The following KCNQ3 variants were observed in gnomAD, a reference collection of about 807,000 sequenced individuals.
KCNQ3 encodes potassium voltage-gated channel subfamily Q member 3.
A neutral mutation model predicts 92.5 loss-of-function variants in KCNQ3; 30 were observed. That is an observed-to-expected ratio of 0.32 (90% CI 0.24 to 0.44). The LOEUF (loss-of-function observed/expected upper bound fraction) is 0.44, where lower values mean the gene tolerates loss of function less well. KCNQ3 is among the 20% of genes least tolerant of loss of function. The probability of loss-of-function intolerance (pLI) is 1.00; values close to 1 mark genes in which losing one functional copy is unlikely to be tolerated. For missense variants in KCNQ3, 913 were observed against 1,140.3 expected (o/e 0.80, Z 2.87); for synonymous variants, 450 against 468.8 (o/e 0.96, Z 0.52).
Position 132,442,930 on chromosome 8 carries a change from C to T in KCNQ3, c.386+37217G>A, listed in dbSNP as rs1466701350. Among the ~76,000 whole-genome samples the T allele has an allele frequency of 5.3e-5, 8 of 152,200 alleles. 1 individual carries two copies. The South Asian group carries it at 1.7e-3, about 32-fold the overall frequency. On this transcript the variant is annotated intron_variant, in intron 1 of 14. Transcript: ENST00000388996. ...CCAGCCCCTTCTCCCTATGCAACACCCTCTCCCCGAATCTGTGCTCAGACA... is the reference window on the plus strand; with the variant it reads ...CCAGCCCCTTCTCCCTATGCAACACTCTCTCCCCGAATCTGTGCTCAGACA...
At chr8:132,442,058 T>TATGC (rs1821552151) in intron 1 of KCNQ3, among the ~76,000 whole-genome samples, 1 of 152,156 alleles carries the variant, frequency 6.6e-6, no homozygotes, top group African/African-American at 2.4e-5. Flanking sequence ...GCGAACAGCA[T>TATGC]ACACTGCGGT....
chr8:132,480,505 C>G lies in KCNQ3; in HGVS notation c.28G>C (p.Gly10Arg). Reference sequence around the variant, plus strand: ...CCGTCGCCGCCGCCGCCAGCCGCCCCCGCCGCCCTGCGCGCCTTGAGCCCC... The same window carrying G: ...CCGTCGCCGCCGCCGCCAGCCGCCCGCGCCGCCCTGCGCGCCTTGAGCCCC... MGLKARRAA[G>R]AAGGGGDGGG... The change falls in exon 1 of 15, where the codon GGG (glycine) becomes CGG (arginine). Residue 10 changes from glycine to arginine, a missense_variant. Physicochemically the swap from Gly to Arg is moderately radical, Grantham distance 125 (BLOSUM62 -2). Transcript: ENST00000388996. 1 of 1,142,582 alleles carries G rather than the reference C, an allele frequency of 8.8e-7. No individual in the cohort carries two copies. Among genetic ancestry groups the G allele is most frequent in the African/African-American group, 1.7e-5 (1 of 60,522 alleles). The allele number at this position is 1,142,582 out of a possible 1,614,324, so 70.8% of individuals were successfully genotyped here.
intron 1 of KCNQ3, among the ~76,000 whole-genome samples, chr8:132,268,579 A>G (rs1043254234): frequency 2.0e-5 from 3 of 152,154 alleles, no homozygotes; most frequent in Admixed American, 6.6e-5. Flanking sequence ...TTCTAGTGCT[A>G]ATTAGTAGTA....
chr8:132,195,387 A>G (rs976031889), intron 1 of KCNQ3, among the ~76,000 whole-genome samples: 4 of 152,246 alleles, frequency 2.6e-5, no homozygotes, highest in African/African-American at 9.6e-5. Context: ...GCTGCGTTTC[A>G]GGGTCAGCAA....
chr8:132,384,875 T>TATG (rs1819851434), intron 1 of KCNQ3, among the ~76,000 whole-genome samples: 1 of 152,166 alleles, frequency 6.6e-6, no homozygotes, highest in South Asian at 2.1e-4. Context: ...TTTCACAGGA[T>TATG]TTTGGGAGAA....
intron 1 of KCNQ3, among the ~76,000 whole-genome samples, chr8:132,442,281 T>C (rs992111340): frequency 1.3e-5 from 2 of 152,134 alleles, no homozygotes; most frequent in Admixed American, 6.6e-5. Context: ...TGTATCTCAG[T>C]TTCAGCATCT....
chr8:132,339,638 G>C (rs1001186847), intron 1 of KCNQ3, among the ~76,000 whole-genome samples: 1 of 150,146 alleles, frequency 6.7e-6, no homozygotes, highest in Non-Finnish European at 1.5e-5. Flanking sequence ...GAACCAAGGA[G>C]GCAGAGGTTG....
At chr8:132,267,886 CA>C (rs1295067549) in intron 1 of KCNQ3, among the ~76,000 whole-genome samples, 1 of 152,204 alleles carries the variant, frequency 6.6e-6, no homozygotes, top group East Asian at 1.9e-4. Context: ...TCAATATCCT[CA>C]ACTAGCATGG....
intron 1 of KCNQ3, among the ~76,000 whole-genome samples, chr8:132,439,395 C>A (rs1449737530): frequency 6.6e-6 from 1 of 152,068 alleles, no homozygotes; most frequent in East Asian, 1.9e-4. Context: ...TCATGGCAAG[C>A]CCCCTGACTC....
chr8:132,458,404 C>T (rs1211831183), intron 1 of KCNQ3, among the ~76,000 whole-genome samples: 3 of 152,312 alleles, frequency 2.0e-5, no homozygotes, highest in Non-Finnish European at 2.9e-5. Context: ...TGCCTACATG[C>T]ACAAAACCCG....
At chr8:132,243,867 A>G (rs963047329) in intron 1 of KCNQ3, among the ~76,000 whole-genome samples, 4 of 152,254 alleles carry the variant, frequency 2.6e-5, no homozygotes, top group African/African-American at 9.6e-5. Flanking sequence ...TTTTAGAATA[A>G]TATATTGACT....
chr8:132,133,434 C>A (rs1001475551), intron 13 of KCNQ3, among the ~76,000 whole-genome samples: 1 of 145,160 alleles, frequency 6.9e-6, no homozygotes, highest in African/African-American at 2.6e-5. Flanking sequence ...CGGCTCACTG[C>A]AACCTCTGAC....
chr8:132,173,724 C>G (rs1193076266), intron 6 of KCNQ3, among the ~76,000 whole-genome samples: 2 of 152,186 alleles, frequency 1.3e-5, no homozygotes, highest in Admixed American at 1.3e-4. Flanking sequence ...TACCTGGACA[C>G]TGGGCGTTGG....
intron 1 of KCNQ3, among the ~76,000 whole-genome samples, chr8:132,446,048 T>C (rs989140019): frequency 2.6e-5 from 4 of 152,178 alleles, no homozygotes; most frequent in Admixed American, 6.5e-5. Context: ...GAACTGTATT[T>C]AATCATCTGT....
intron 1 of KCNQ3, among the ~76,000 whole-genome samples, chr8:132,386,841 A>T (rs998149511): frequency 1.3e-5 from 2 of 152,174 alleles, no homozygotes; most frequent in Admixed American, 6.5e-5. Context: ...TCTGACTCTA[A>T]GGAAAAACAG....
rs377381227 is a variant in KCNQ3 at position 132,386,519 on chromosome 8, T to C, written c.386+93628A>G. Among the ~76,000 whole-genome samples the C allele has an allele frequency of 2.0e-4, 30 of 152,170 alleles. 1 individual carries two copies. The South Asian group carries it at 6.0e-3, about 31-fold the overall frequency. ...AGATGGTTTTAAAGGTAAATATAAATTACCAAAGTGAGTTCAAAAAAAATC... is the reference window on the plus strand; with the variant it reads ...AGATGGTTTTAAAGGTAAATATAAACTACCAAAGTGAGTTCAAAAAAAATC... On this transcript the variant is annotated intron_variant, in intron 1 of 14. Coordinates refer to ENST00000388996, the MANE Select transcript of KCNQ3 (RefSeq NM_004519.4).
Position 132,180,303 on chromosome 8 carries a change from G to T in KCNQ3, c.631C>A (p.Pro211Thr). Reference protein sequence around the residue: ...LDIFVLIASVPVVAVGNQGNV... With the variant: ...LDIFVLIASVTVVAVGNQGNV... Reference sequence around the variant, plus strand: ...CCTTGGTTTCCCACAGCAACCACTGGCACAGAGGCAATCAGCACAAAGATG... The same window carrying T: ...CCTTGGTTTCCCACAGCAACCACTGTCACAGAGGCAATCAGCACAAAGATG... The change falls in exon 4 of 15, where the codon CCA becomes ACA. Residue 211 changes from proline (P) to threonine (T), a missense_variant. Coordinates refer to ENST00000388996, the MANE Select transcript of KCNQ3 (RefSeq NM_004519.4). 6.2e-7 allele frequency: 1 copy of T among 1,614,122 alleles called. No individual in the cohort carries two copies. Among genetic ancestry groups the T allele is most frequent in the Non-Finnish European group, 8.5e-7 (1 of 1,180,048 alleles).
chr8:132,316,455 G>A lies in KCNQ3; in HGVS notation c.387-130274C>T, dbSNP rs996952552. 2.6e-5 allele frequency among the ~76,000 whole-genome samples: 4 copies of A among 152,304 alleles called. No individual in the cohort carries two copies. The East Asian group carries it at 7.7e-4, about 29-fold the overall frequency. ...TGGGGCAAGATCCTGAGGTCCCCAA[G>A]CTTCTGATTTCTCATTAGTAAAGCA... On this transcript the variant is annotated intron_variant, in intron 1 of 14. Transcript: ENST00000388996.
chr8:132,283,616 A>C lies in KCNQ3; in HGVS notation c.387-97435T>G, dbSNP rs75280955. ...CTGCTGCCTCCATGAACATCTTAGT[A>C]GATTCCTGATCCCCCTTGTCATCGG... On this transcript the variant is annotated intron_variant, in intron 1 of 14. Transcript: ENST00000388996. Among the ~76,000 whole-genome samples the C allele has an allele frequency of 1.4e-4, 21 of 152,372 alleles. No homozygotes were observed. The East Asian group carries it at 1.5e-3, about 11-fold the overall frequency.
Sources: allele counts gnomAD v4.1 joint callset (sites outside exome capture counted in the v4.1 genomes callset), GRCh38; gene constraint gnomAD v4.1.1; transcripts MANE v1.5; gene names NCBI Gene and HGNC (gene_info 2026-07-23, HGNC 2026-07-21).